Variants in EMG1 observed in about 807,000 individuals in gnomAD.
EMG1 encodes the protein ribosomal RNA small subunit methyltransferase NEP1.
A neutral mutation model predicts 26.9 loss-of-function variants in EMG1; 24 were observed. That is an observed-to-expected ratio of 0.89 (90% confidence interval 0.65 to 1.26). The LOEUF is 1.26. EMG1 is among the 50% of genes most tolerant of loss of function. The pLI, the probability that EMG1 is intolerant of heterozygous loss-of-function variation, is 0.00. For missense variants in EMG1, 299 were observed against 307.6 expected, an observed-to-expected ratio of 0.97 and a Z score of 0.21; for synonymous variants, 140 against 112.6, an observed-to-expected ratio of 1.24 and a Z score of -1.54.
Position 6,974,322 on chromosome 12 carries a change from T to G in EMG1, c.169-17T>G, listed in dbSNP as rs183111447. 6.3e-7 allele frequency: 1 copy of G among 1,577,814 alleles called. No homozygotes were observed. Among genetic ancestry groups the G allele is most frequent in the Admixed American group, 1.7e-5 (1 of 58,796 alleles). ...AGAAGCTTATGCTGTTCTCTCGTCATGTTCCCTGTTCTTCAGGTAGGGAAG... is the reference window on the plus strand; with the variant it reads ...AGAAGCTTATGCTGTTCTCTCGTCAGGTTCCCTGTTCTTCAGGTAGGGAAG... On this transcript the variant is annotated splice_polypyrimidine_tract_variant and intron_variant, in intron 1 of 5. Coordinates refer to ENST00000599672, the MANE Select transcript of EMG1 (RefSeq NM_006331.8).
At chr12:6,984,243 G>C (rs1555154534), downstream of EMG1, among the ~76,000 whole-genome samples, 1 of 152,224 alleles carries the variant, frequency 6.6e-6, no homozygotes, top group Admixed American at 6.5e-5. Context: ...CTAAAGCCAT[G>C]ATTCAGAGTA....
At position 6,977,826 on chromosome 12, in the gene EMG1, AGGATT is replaced by A. The variant is rs1946425395; in HGVS notation, c.*2026_*2030del. 3 of 1,557,552 alleles carry A rather than the reference AGGATT, an allele frequency of 1.9e-6. No homozygotes were observed. The highest frequency in any genetic ancestry group is 1.8e-6 in the Non-Finnish European group (2 of 1,136,564). On this transcript the variant is annotated 3_prime_UTR_variant, in exon 6 of 6. Transcript: ENST00000599672. The surrounding 1 kb of genome is among the most constrained non-coding windows in gnomAD (Gnocchi z 4.5). ...CACCTGCCTCTGGGTCCTCACCCTGAGGATTGGATTGGAGTGCTGGTGGGTTCCCA... is the reference window on the plus strand; with the variant it reads ...CACCTGCCTCTGGGTCCTCACCCTGAGGATTGGAGTGCTGGTGGGTTCCCA...
chr12:6,978,830 G>T lies in EMG1; in HGVS notation c.*3021G>T. On this transcript the variant is annotated 3_prime_UTR_variant, in exon 6 of 6. Transcript: ENST00000599672. ...CCAGATGCCCTCAATAGTCTGGCCT[G>T]ATTGCCTTCACAATAGGCAGAGAGG... is the stretch of plus-strand genomic sequence containing the variant. The T allele has an allele frequency of 8.2e-7, 1 of 1,214,654 alleles. No homozygotes were observed. Among genetic ancestry groups the T allele is most frequent in the Non-Finnish European group, 1.1e-6 (1 of 883,906 alleles). 75.2% of individuals were successfully genotyped at this position (1,214,654 alleles called of 1,614,324 possible). A position where few individuals can be genotyped will look rare whatever the true frequency, so the allele number is the denominator to read the frequency against.
chr12:6,972,298 TTTTC>T (rs1946341156), intron 1 of EMG1, among the ~76,000 whole-genome samples: 1 of 152,184 alleles, frequency 6.6e-6, no homozygotes, highest in Non-Finnish European at 1.5e-5. Context: ...AAGAAGGTTT[TTTTC>T]TTCTATAACT....
rs1351858709 is a variant in EMG1, at chr12:6,976,803, TC to T, written c.*997del. ...CAGCTGGAAGCATCGATCTTCCACC[TC>T]CCTGGCTTTTCCATTCTCTGCTCTG... On this transcript the variant is annotated 3_prime_UTR_variant, in exon 6 of 6. Transcript: ENST00000599672. 4 of 196,718 alleles carry T rather than the reference TC, an allele frequency of 2.0e-5. No homozygotes were observed. The highest frequency in any genetic ancestry group is 2.2e-3 in the Middle Eastern group (1 of 458). 12.2% of individuals were successfully genotyped at this position (196,718 alleles called of 1,614,324 possible).
chr12:6,974,323 G>T lies in EMG1; in HGVS notation c.169-16G>T. On this transcript the variant is annotated splice_polypyrimidine_tract_variant and intron_variant, in intron 1 of 5. Transcript: ENST00000599672. ...GAAGCTTATGCTGTTCTCTCGTCAT[G>T]TTCCCTGTTCTTCAGGTAGGGAAGA... The T allele has an allele frequency of 6.3e-7, 1 of 1,581,058 alleles. No individual in the cohort carries two copies. Among genetic ancestry groups the T allele is most frequent in the Non-Finnish European group, 8.7e-7 (1 of 1,152,754 alleles).
chr12:6,985,247 T>C lies in EMG1; in HGVS notation c.*154+2041T>C, dbSNP rs369453249. The stretch of plus-strand genomic sequence containing the variant: ...TCTACTAAAAATACAAAAAAAAAAA[T>C]TAGCCGGGTGTGGTGGCGGGCGCCT... On this transcript the variant is annotated intron_variant and NMD_transcript_variant, in intron 6 of 7. Transcript: ENST00000261406. Among the ~76,000 whole-genome samples, 150 of 150,542 alleles carry C rather than the reference T, an allele frequency of 1.0e-3. 2 individuals are homozygous for C. The East Asian group carries it at 0.019, about 19-fold the overall frequency.
chr12:6,983,505 A>G, downstream of EMG1: 1 of 1,612,652 alleles, frequency 6.2e-7, no homozygotes, highest in Non-Finnish European at 8.5e-7. Context: ...CCTTGTAGAA[A>G]AGGTAATGCC....
intron 7 of EMG1, among the ~76,000 whole-genome samples, chr12:6,993,542 TTC>T (rs1946608359): frequency 6.6e-6 from 1 of 152,190 alleles, no homozygotes; most frequent in Non-Finnish European, 1.5e-5. Flanking sequence ...TCATTTCCCA[TTC>T]TCTCTTAACT....
Position 6,975,109 on chromosome 12 carries a change from C to G in EMG1, c.432C>G (p.Leu144=), listed in dbSNP as rs1336091899. The change falls in exon 4 of 6, where the codon CTC becomes CTG. Residue 144 remains leucine, a synonymous_variant. Coordinates refer to ENST00000599672, the MANE Select transcript of EMG1 (RefSeq NM_006331.8). The stretch of plus-strand genomic sequence containing the variant: ...TTCTAGTTCAACTTTTACACAAGCT[C>G]AGTGTTCGAGCAGCTGATGGCCCCC... The part of the protein sequence containing the change: ...CGLMVQLLHK[L]SVRAADGPQK... 1 of 1,613,892 alleles carries G rather than the reference C, an allele frequency of 6.2e-7. No homozygotes were observed. The highest frequency in any genetic ancestry group is 1.3e-5 in the African/African-American group (1 of 74,924).
At chr12:6,985,327 C>T (rs888325273) in intron 6 of EMG1, among the ~76,000 whole-genome samples, 7 of 151,402 alleles carry the variant, frequency 4.6e-5, no homozygotes, top group Non-Finnish European at 1.0e-4. Flanking sequence ...ACACGGGAGG[C>T]GGAGCTTGCA....
In EMG1 at chr12:6,987,749, T is replaced by G. The variant is rs1946542932; in HGVS notation, c.*155-33T>G. 2.5e-6 allele frequency: 1 copy of G among 400,608 alleles called. No individual in the cohort carries two copies. The highest frequency in any genetic ancestry group is 2.1e-5 in the African/African-American group (1 of 48,696). The allele number at this position is 400,608 out of a possible 1,614,324, so 24.8% of individuals were successfully genotyped here. ...AAAACACCACACATATTACTCTGCCTCTTTAAGTTGAATCTAATTTAACAT... is the reference window on the plus strand; with the variant it reads ...AAAACACCACACATATTACTCTGCCGCTTTAAGTTGAATCTAATTTAACAT... On this transcript the variant is annotated intron_variant and NMD_transcript_variant, in intron 6 of 7. Coordinates refer to the EMG1 transcript ENST00000261406. The surrounding 1 kb of genome is among the most constrained non-coding windows in gnomAD (Gnocchi z 4.1).
intron 6 of EMG1, among the ~76,000 whole-genome samples, chr12:6,985,906 C>T (rs1255141889): frequency 2.0e-5 from 3 of 151,444 alleles, no homozygotes; most frequent in Non-Finnish European, 2.9e-5. Flanking sequence ...TCCCAAGTAG[C>T]TGGGATTACA....
At position 6,979,218 on chromosome 12, in the gene EMG1, A is replaced by C. The variant is rs1591545731; in HGVS notation, c.*3409A>C. 3 of 526,828 alleles carry C rather than the reference A, an allele frequency of 5.7e-6. No homozygotes were observed. The East Asian group carries it at 9.8e-5, about 17-fold the overall frequency. 32.6% of individuals were successfully genotyped at this position (526,828 alleles called of 1,614,324 possible). On this transcript the variant is annotated 3_prime_UTR_variant, in exon 6 of 6. Coordinates refer to ENST00000599672, the MANE Select transcript of EMG1 (RefSeq NM_006331.8). ...TCACGTGGATGTGATAAGGCAAGCT[A>C]GGAGCGGCTCCTAGAGAAGGCAACG...
rs1555153425 is a variant in EMG1, at chr12:6,977,507, C to T, written c.*1698C>T. 1 of 1,614,198 alleles carries T rather than the reference C, an allele frequency of 6.2e-7. No homozygotes were observed. The highest frequency in any genetic ancestry group is 2.2e-5 in the East Asian group (1 of 44,886). ...GCCAGCTTGCTCAGGGTGGGGCTCT[C>T]TTGAATGAGCCTGGCAGCCTGGGGA... On this transcript the variant is annotated 3_prime_UTR_variant, in exon 6 of 6. Coordinates refer to ENST00000599672, the MANE Select transcript of EMG1 (RefSeq NM_006331.8). The surrounding 1 kb of genome is among the most constrained non-coding windows in gnomAD (Gnocchi z 4.5).
Sources: allele counts gnomAD v4.1 joint callset (sites outside exome capture counted in the v4.1 genomes callset), GRCh38; gene constraint gnomAD v4.1.1; non-coding constraint Gnocchi (gnomAD v3.1); transcripts MANE v1.5; gene names NCBI Gene and HGNC (gene_info 2026-07-23, HGNC 2026-07-21).